The following SLC4A10 variants were observed in gnomAD, a reference collection of about 807,000 sequenced individuals.
The protein encoded by SLC4A10 is sodium-driven chloride bicarbonate exchanger.
Under a neutral mutation model 137.7 loss-of-function variants are expected in SLC4A10, and 42 were observed. That is an observed-to-expected ratio of 0.30 (90% confidence interval 0.24 to 0.39). The LOEUF (loss-of-function observed/expected upper bound fraction) is 0.39, where lower values mean the gene tolerates loss of function less well. SLC4A10 is among the 10% of genes least tolerant of loss of function. The pLI, the probability that SLC4A10 is intolerant of heterozygous loss-of-function variation, is 1.00. For missense variants in SLC4A10, 925 were observed against 1,355.0 expected (o/e 0.68, Z 4.98); for synonymous variants, 474 against 464.1 (o/e 1.02, Z -0.27).
At chr2:161,933,251 C>CTTTCT (rs1301630072) in intron 15 of SLC4A10, among the ~76,000 whole-genome samples, 4 of 76,868 alleles carry the variant, frequency 5.2e-5, no homozygotes, top group Admixed American at 1.5e-4. Context: ...TTCTTTCTTT[C>CTTTCT]TTCTTTCTTT....
chr2:161,959,150 A>G (rs1440872682), intron 21 of SLC4A10, among the ~76,000 whole-genome samples: 2 of 152,224 alleles, frequency 1.3e-5, no homozygotes, highest in Non-Finnish European at 2.9e-5. Flanking sequence ...AGGTGTAGAA[A>G]TAAGAACAAT....
chr2:161,965,794 G>A lies in SLC4A10; in HGVS notation c.3159+621G>A, dbSNP rs142267931. Among the ~76,000 whole-genome samples the A allele has an allele frequency of 9.5e-3, 1,441 of 151,964 alleles. 20 individuals are homozygous for A. The highest frequency in any genetic ancestry group is 0.029 in the South Asian group (138 of 4,808). ...ATAACAATGTATTATAAGTTTCGTG[G>A]CATATTTAAAGTTTATATGTAAGCC... On this transcript the variant is annotated intron_variant, in intron 23 of 26. Transcript: ENST00000446997.
intron 15 of SLC4A10, among the ~76,000 whole-genome samples, chr2:161,926,394 T>TTG (rs1689112029): frequency 9.1e-6 from 1 of 110,268 alleles, no homozygotes; most frequent in South Asian, 3.4e-4. Context: ...TGGTTTTTTT[T>TTG]TTTTTTTTTT....
intron 1 of SLC4A10, among the ~76,000 whole-genome samples, chr2:161,669,370 G>GAC (rs978462929): frequency 3.3e-5 from 5 of 151,490 alleles, no homozygotes; most frequent in Non-Finnish European, 4.4e-5. Flanking sequence ...TGTACACACA[G>GAC]ACACACACAC....
chr2:161,624,511 T>A lies in SLC4A10; in HGVS notation c.-8T>A. On this transcript the variant is annotated 5_prime_UTR_variant, in exon 1 of 27. Coordinates refer to ENST00000446997, the MANE Select transcript of SLC4A10 (RefSeq NM_001178015.2). ...AGCAAGGTGCTTATTCCAGAGGCGT[T>A]ACAAAACATGGAGATTAAAGACCAG... 6.4e-7 allele frequency: 1 copy of A among 1,553,394 alleles called. No homozygotes were observed. The highest frequency in any genetic ancestry group is 8.7e-7 in the Non-Finnish European group (1 of 1,148,042).
chr2:161,697,912 C>T (rs1162928839), intron 1 of SLC4A10, among the ~76,000 whole-genome samples: 2 of 152,198 alleles, frequency 1.3e-5, no homozygotes, highest in African/African-American at 4.8e-5. Flanking sequence ...TGGCCGTTTT[C>T]ACAATATTGA....
intron 1 of SLC4A10, among the ~76,000 whole-genome samples, chr2:161,659,647 A>C (rs2038025923): frequency 6.6e-6 from 1 of 152,220 alleles, no homozygotes; most frequent in African/African-American, 2.4e-5. Context: ...AAATAAATAA[A>C]AAATAAACAA....
chr2:161,938,389 T>C (rs1241161006), intron 15 of SLC4A10, among the ~76,000 whole-genome samples: 2 of 152,160 alleles, frequency 1.3e-5, no homozygotes, highest in African/African-American at 4.8e-5. Flanking sequence ...ACCATTCCAA[T>C]GCAGCAATTG....
At chr2:161,738,233 TG>T (rs1271108380) in intron 1 of SLC4A10, among the ~76,000 whole-genome samples, 1 of 152,188 alleles carries the variant, frequency 6.6e-6, no homozygotes, top group Non-Finnish European at 1.5e-5. Flanking sequence ...TTGATGATCC[TG>T]GGGGTCACTA....
chr2:161,926,342 T>A (rs1196506842), intron 15 of SLC4A10, among the ~76,000 whole-genome samples: 28 of 141,458 alleles, frequency 2.0e-4, no homozygotes, highest in African/African-American at 6.8e-4. Context: ...TGGTTTAAAG[T>A]CTGTTTTATC....
At chr2:161,867,039 GT>G (rs2060802427) in intron 6 of SLC4A10, among the ~76,000 whole-genome samples, 2 of 151,984 alleles carry the variant, frequency 1.3e-5, no homozygotes, top group South Asian at 4.1e-4. Flanking sequence ...CTCAAAAGGA[GT>G]TACAGTGCAG....
chr2:161,972,661 T>C (rs1698761568), intron 23 of SLC4A10, among the ~76,000 whole-genome samples: 1 of 152,168 alleles, frequency 6.6e-6, no homozygotes, highest in Non-Finnish European at 1.5e-5. Flanking sequence ...TACATGCCAT[T>C]AGCCTCACAG....
intron 1 of SLC4A10, among the ~76,000 whole-genome samples, chr2:161,760,901 G>A (rs2050187172): frequency 6.6e-6 from 1 of 151,338 alleles, no homozygotes; most frequent in African/African-American, 2.4e-5. Context: ...AACATACATA[G>A]GTATGTATCT....
chr2:161,936,337 A>G (rs1166896204), intron 15 of SLC4A10, among the ~76,000 whole-genome samples: 1 of 152,132 alleles, frequency 6.6e-6, no homozygotes, highest in African/African-American at 2.4e-5. Context: ...ATTTTTTGAA[A>G]GAGTTTCAGA....
intron 10 of SLC4A10, among the ~76,000 whole-genome samples, chr2:161,893,939 C>T (rs76852329): frequency 0.015 from 2,291 of 151,894 alleles, 55 homozygotes; most frequent in African/African-American, 0.052. Context: ...ATGATATTTT[C>T]AACTTATGAT....
rs114287118 is a variant in SLC4A10 at position 161,950,241 on chromosome 2, A to G, written c.2380-446A>G. On this transcript the variant is annotated intron_variant, in intron 18 of 26. Coordinates refer to ENST00000446997, the MANE Select transcript of SLC4A10 (RefSeq NM_001178015.2). ...AGCCTCTGATTTATCTTTGTATCTC[A>G]GTTCTAGCACAGTGGTCAATGTGTC... 9.3e-3 allele frequency among the ~76,000 whole-genome samples: 1,412 copies of G among 152,238 alleles called. 18 individuals are homozygous for G. The highest frequency in any genetic ancestry group is 0.032 in the African/African-American group (1,339 of 41,560).
At chr2:161,739,024 A>T (rs1463987972) in intron 1 of SLC4A10, among the ~76,000 whole-genome samples, 1 of 152,180 alleles carries the variant, frequency 6.6e-6, no homozygotes, top group African/African-American at 2.4e-5. Flanking sequence ...AGATTTAAAA[A>T]CACAGTTACA....
intron 1 of SLC4A10, among the ~76,000 whole-genome samples, chr2:161,671,320 C>T (rs1196411264): frequency 6.6e-6 from 1 of 152,104 alleles, no homozygotes; most frequent in Admixed American, 6.6e-5. Flanking sequence ...GACACCAAAC[C>T]TGCCAGCACC....
intron 1 of SLC4A10, among the ~76,000 whole-genome samples, chr2:161,710,452 C>CTT (rs34284119): frequency 0.081 from 12,288 of 151,542 alleles, 543 homozygotes; most frequent in East Asian, 0.14. Context: ...ATGAGGATAT[C>CTT]GATAATTTTG....
Sources: allele counts gnomAD v4.1 joint callset (sites outside exome capture counted in the v4.1 genomes callset), GRCh38; gene constraint gnomAD v4.1.1; transcripts MANE v1.5; gene names NCBI Gene and HGNC (gene_info 2026-07-23, HGNC 2026-07-21).